The following OSBPL1A variants were observed in gnomAD, a reference collection of about 807,000 sequenced individuals.
The protein encoded by OSBPL1A is oxysterol-binding protein-related protein 1.
OSBPL1A carries 80 observed loss-of-function variants against 137.1 expected under a neutral mutation model. The ratio of observed to expected loss-of-function variants is 0.58; its 90% CI spans 0.49 to 0.70. The LOEUF (loss-of-function observed/expected upper bound fraction) is 0.70. Among genes scored for constraint, OSBPL1A ranks in the 30% least tolerant of loss-of-function variants. The probability of loss-of-function intolerance (pLI) is 0.00; values close to 1 mark genes in which losing one functional copy is unlikely to be tolerated. For missense variants in OSBPL1A, 970 were observed against 1,129.4 expected, an observed-to-expected ratio of 0.86 and a Z score of 2.02; for synonymous variants, 365 against 389.7, an observed-to-expected ratio of 0.94 and a Z score of 0.75.
At chr18:24,349,507 G>A (rs143855953) in intron 4 of OSBPL1A, among the ~76,000 whole-genome samples, 161 of 152,070 alleles carry the variant, frequency 1.1e-3, no homozygotes, top group African/African-American at 3.8e-3. Flanking sequence ...ACTAGAAGAC[G>A]GACTTGAAGA....
At chr18:24,207,261 T>G (rs1410684007) in intron 17 of OSBPL1A, among the ~76,000 whole-genome samples, 1 of 152,148 alleles carries the variant, frequency 6.6e-6, no homozygotes, top group Non-Finnish European at 1.5e-5. Context: ...TTTTTGTATT[T>G]TTAGTAGAGA....
intron 17 of OSBPL1A, among the ~76,000 whole-genome samples, chr18:24,212,944 C>T (rs2087586900): frequency 6.6e-6 from 1 of 152,218 alleles, no homozygotes; most frequent in Admixed American, 6.5e-5. Context: ...ACTCTTCCTG[C>T]ATGACTGTTA....
intron 18 of OSBPL1A, among the ~76,000 whole-genome samples, chr18:24,185,585 C>G (rs1295189700): frequency 6.6e-6 from 1 of 152,056 alleles, no homozygotes; most frequent in East Asian, 1.9e-4. Context: ...TCCCAAAGTG[C>G]TGAGATTACA....
chr18:24,353,807 C>G (rs1172115295), intron 4 of OSBPL1A, among the ~76,000 whole-genome samples: 1 of 151,676 alleles, frequency 6.6e-6, no homozygotes, highest in Non-Finnish European at 1.5e-5. Flanking sequence ...ACTCAGCAAA[C>G]TATCGCAAGG....
chr18:24,365,677 G>C (rs142101908), intron 4 of OSBPL1A, among the ~76,000 whole-genome samples: 1 of 152,162 alleles, frequency 6.6e-6, no homozygotes, highest in South Asian at 2.1e-4. Flanking sequence ...AAGGGGAAGG[G>C]GATGAATATA....
intron 16 of OSBPL1A, among the ~76,000 whole-genome samples, chr18:24,231,070 AC>A (rs2088261388): frequency 6.6e-6 from 1 of 152,118 alleles, no homozygotes; most frequent in East Asian, 1.9e-4. Flanking sequence ...ACAGAGCGAG[AC>A]CCTGTCTCTC....
rs760179616 is a variant in OSBPL1A at position 24,318,650 on chromosome 18, CAA to C, written c.688-7_688-6del. The C allele has an allele frequency of 2.5e-6, 4 of 1,609,016 alleles. No individual in the cohort carries two copies. Among genetic ancestry groups the C allele is most frequent in the Non-Finnish European group, 3.4e-6 (4 of 1,178,968 alleles). ...TTTCAATGCTTTGTAGATGACCTGT[CAA>C]AAACATGTTTTCATGAAAAATGCAT... On this transcript the variant is annotated splice_region_variant and splice_polypyrimidine_tract_variant and intron_variant, in intron 8 of 27. Coordinates refer to ENST00000319481, the MANE Select transcript of OSBPL1A (RefSeq NM_080597.4).
intron 15 of OSBPL1A, among the ~76,000 whole-genome samples, chr18:24,248,592 T>C (rs907658852): frequency 3.3e-5 from 5 of 152,232 alleles, no homozygotes; most frequent in Non-Finnish European, 5.9e-5. Context: ...ATGCTAAAAA[T>C]AGAATGGCCT....
chr18:24,395,865 G>A (rs1007848028), intron 1 of OSBPL1A, among the ~76,000 whole-genome samples: 3 of 149,776 alleles, frequency 2.0e-5, no homozygotes, highest in African/African-American at 4.9e-5. Flanking sequence ...CAAGTGATCC[G>A]CCCGCCTCGG....
At chr18:24,337,224 AG>A (rs1161791173) in intron 5 of OSBPL1A, among the ~76,000 whole-genome samples, 4 of 152,106 alleles carry the variant, frequency 2.6e-5, no homozygotes, top group African/African-American at 4.8e-5. Context: ...CCAGGTGGCA[AG>A]GCTCACGCCT....
At chr18:24,350,057 AT>A (rs1251638521) in intron 4 of OSBPL1A, among the ~76,000 whole-genome samples, 1 of 152,190 alleles carries the variant, frequency 6.6e-6, no homozygotes, top group East Asian at 1.9e-4. Context: ...GACCCCGAAC[AT>A]TTTTTAGCTC....
chr18:24,180,700 C>A (rs566753427), intron 19 of OSBPL1A, among the ~76,000 whole-genome samples: 30 of 152,260 alleles, frequency 2.0e-4, no homozygotes, highest in African/African-American at 6.5e-4. Flanking sequence ...CAGGTGAAAA[C>A]CCGTCTCTAC....
rs36098607 is a variant in OSBPL1A, at chr18:24,175,100, ATG to A, written c.2094-2619_2094-2618del. 5.3e-3 allele frequency among the ~76,000 whole-genome samples: 317 copies of A among 59,466 alleles called. 7 individuals carry two copies. In the East Asian group the frequency reaches 0.073, roughly 14 times the overall value. 39.0% of individuals were successfully genotyped at this position (59,466 alleles called of 152,430 possible). On this transcript the variant is annotated intron_variant, in intron 21 of 27. Transcript: ENST00000319481. Reference sequence around the variant, plus strand: ...AGCTGACTTCATGTGCTTATTTGCCATGTGTATGTATATATATATATATATAT... The same window carrying A: ...AGCTGACTTCATGTGCTTATTTGCCATGTATGTATATATATATATATATAT...
At chr18:24,173,573 C>T (rs1180839152) in intron 21 of OSBPL1A, among the ~76,000 whole-genome samples, 9 of 151,948 alleles carry the variant, frequency 5.9e-5, no homozygotes, top group Admixed American at 4.6e-4. Context: ...CCACCATGCC[C>T]GGCTAATTTT....
At chr18:24,308,038 G>A (rs1218311351) in intron 13 of OSBPL1A, among the ~76,000 whole-genome samples, 3 of 151,878 alleles carry the variant, frequency 2.0e-5, no homozygotes, top group Non-Finnish European at 4.4e-5. Flanking sequence ...TGCCCGCCTC[G>A]GGAATCATTT....
chr18:24,273,105 G>A (rs1206731332), intron 15 of OSBPL1A, among the ~76,000 whole-genome samples: 1 of 152,052 alleles, frequency 6.6e-6, no homozygotes, highest in Non-Finnish European at 1.5e-5. Context: ...CGGGGGTTTT[G>A]CTATGTTGGT....
chr18:24,331,961 G>A (rs1314260169), intron 7 of OSBPL1A, among the ~76,000 whole-genome samples: 2 of 152,150 alleles, frequency 1.3e-5, no homozygotes, highest in Non-Finnish European at 2.9e-5. Context: ...AGAAGGTGAT[G>A]CCTGGCCTTC....
intron 15 of OSBPL1A, among the ~76,000 whole-genome samples, chr18:24,247,342 G>A (rs965753392): frequency 1.3e-5 from 2 of 152,246 alleles, no homozygotes; most frequent in African/African-American, 4.8e-5. Context: ...TGAAGGTCAA[G>A]AGTGAACTTG....
At chr18:24,246,213 G>GA (rs955523383) in intron 15 of OSBPL1A, among the ~76,000 whole-genome samples, 2 of 151,524 alleles carry the variant, frequency 1.3e-5, no homozygotes, top group Admixed American at 6.6e-5. Flanking sequence ...ACCCCGTCTT[G>GA]AAAAATAAAT....
Sources: allele counts gnomAD v4.1 joint callset (sites outside exome capture counted in the v4.1 genomes callset), GRCh38; gene constraint gnomAD v4.1.1; transcripts MANE v1.5; gene names NCBI Gene and HGNC (gene_info 2026-07-23, HGNC 2026-07-21).